Variants in ZNF600 observed in about 807,000 individuals in gnomAD.
ZNF600 encodes the protein zinc finger protein KR-ZNF1.
ZNF600 carries 4 observed loss-of-function variants against 7.3 expected under a neutral mutation model. The observed-to-expected ratio is 0.55, with a 90% CI of 0.27 to 1.25. The LOEUF is 1.25. Among genes scored for constraint, ZNF600 ranks in the 50% most tolerant of loss-of-function variants. The pLI is 0.12. For missense variants in ZNF600, 911 were observed against 922.1 expected, an observed-to-expected ratio of 0.99 and a Z score of 0.16; for synonymous variants, 290 against 308.9, an observed-to-expected ratio of 0.94 and a Z score of 0.64.
exon 4 of ZNF600, chr19:52,765,532 T>C: frequency 6.2e-7 from 1 of 1,611,560 alleles, no homozygotes; most frequent in South Asian, 1.1e-5. Context: ...TTATAGATTC[T>C]CCAATGATTT....
upstream of ZNF600, among the ~76,000 whole-genome samples, chr19:52,789,748 T>C (rs2062786620): frequency 6.6e-6 from 1 of 152,042 alleles, no homozygotes; most frequent in Non-Finnish European, 1.5e-5. Context: ...TTAAAAAAAA[T>C]ATGAAAAATA....
the ZNF600 span, among the ~76,000 whole-genome samples, chr19:52,819,346 C>G: frequency 4.9e-4 from 71 of 145,604 alleles, 4 homozygotes; most frequent in Middle Eastern, 7.1e-3. Flanking sequence ...CAAAGTCCTC[C>G]GAAGATGGTC....
intron 3 of ZNF600, among the ~76,000 whole-genome samples, chr19:52,772,872 C>T (rs942340960): frequency 3.8e-5 from 5 of 130,282 alleles, no homozygotes; most frequent in Admixed American, 7.1e-5. Context: ...AAGGACTGAG[C>T]TGGGACACAA....
chr19:52,800,605 T>C, the ZNF600 span: 2 of 1,614,028 alleles, frequency 1.2e-6, no homozygotes, highest in Non-Finnish European at 1.7e-6. Context: ...TCACAAACCT[T>C]ACATTTGTAT....
chr19:52,811,410 C>T, the ZNF600 span, among the ~76,000 whole-genome samples: 1 of 144,992 alleles, frequency 6.9e-6, no homozygotes, highest in African/African-American at 2.7e-5. Flanking sequence ...AAGTGAGGAG[C>T]GTCTCTGCCC....
chr19:52,800,580 T>C, the ZNF600 span: 1,453 of 1,609,848 alleles, frequency 9.0e-4, 10 homozygotes, highest in African/African-American at 0.017. Context: ...GTATGAATTA[T>C]ATGCAAAAGC....
At chr19:52,772,948 A>G (rs2062642418) in intron 3 of ZNF600, among the ~76,000 whole-genome samples, 1 of 152,232 alleles carries the variant, frequency 6.6e-6, no homozygotes, top group Non-Finnish European at 1.5e-5. Context: ...CTGAGTCATG[A>G]TGCCCTGCAC....
chr19:52,810,868 C>T, the ZNF600 span, among the ~76,000 whole-genome samples: 37 of 1,518 alleles, frequency 0.024, 1 homozygote, highest in African/African-American at 0.095. Context: ...TCCCCCTCCC[C>T]CTCCCCCTCC....
chr19:52,781,804 T>C (rs1027798773), intron 1 of ZNF600, among the ~76,000 whole-genome samples: 1 of 150,110 alleles, frequency 6.7e-6, no homozygotes, highest in Non-Finnish European at 1.5e-5. Flanking sequence ...GGCTCACACC[T>C]GTAATCTCAA....
intron 1 of ZNF600, among the ~76,000 whole-genome samples, chr19:52,784,229 AAAAC>A (rs150428473): frequency 0.18 from 27,595 of 151,718 alleles, 2,760 homozygotes; most frequent in African/African-American, 0.27. Flanking sequence ...TTTCTACAAA[AAAAC>A]AAACAAACAA....
the ZNF600 span, among the ~76,000 whole-genome samples, chr19:52,794,480 T>C: frequency 1.3e-5 from 2 of 152,080 alleles, no homozygotes; most frequent in South Asian, 2.1e-4. Flanking sequence ...AAGCTCCGAG[T>C]TGAGTCAGAA....
At chr19:52,799,898 G>C in the ZNF600 span, 1 of 1,613,346 alleles carries the variant, frequency 6.2e-7, no homozygotes, top group South Asian at 1.1e-5. Flanking sequence ...GGTATACGAG[G>C]GATGACATCT....
At chr19:52,801,976 C>G in the ZNF600 span, among the ~76,000 whole-genome samples, 1 of 152,266 alleles carries the variant, frequency 6.6e-6, no homozygotes, top group Non-Finnish European at 1.5e-5. Flanking sequence ...TGTTTTTCCA[C>G]TGTGACCCTA....
chr19:52,796,374 G>A, the ZNF600 span, among the ~76,000 whole-genome samples: 1 of 152,144 alleles, frequency 6.6e-6, no homozygotes, highest in East Asian at 1.9e-4. Flanking sequence ...CTGGAAAGGT[G>A]GAATAACTGG....
chr19:52,778,973 C>T lies in ZNF600; in HGVS notation c.-19-66G>A, dbSNP rs1600392857. ...TCACTCCCATCCTGTGACAAAACCA[C>T]ATGAACAGGGGAGACCTCACCCAGC... On this transcript the variant is annotated intron_variant, in intron 1 of 3. Coordinates refer to ENST00000648973, the Ensembl canonical transcript of ZNF600. 4 of 1,462,000 alleles carry T rather than the reference C, an allele frequency of 2.7e-6. No individual in the cohort carries two copies. The East Asian group carries it at 7.0e-5, about 26-fold the overall frequency. 90.6% of individuals were successfully genotyped at this position (1,462,000 alleles called of 1,614,324 possible). A position where few individuals can be genotyped will look rare whatever the true frequency, so the allele number is the denominator to read the frequency against.
the ZNF600 span, among the ~76,000 whole-genome samples, chr19:52,831,563 T>G: frequency 6.6e-6 from 1 of 151,870 alleles, no homozygotes; most frequent in Non-Finnish European, 1.5e-5. Flanking sequence ...AGTGCAATGG[T>G]GCGATCTCGG....
At chr19:52,799,685 C>CTTTTAAGG in the ZNF600 span, 1 of 1,217,960 alleles carries the variant, frequency 8.2e-7, no homozygotes, top group Admixed American at 2.1e-5. Flanking sequence ...ACTCATTACA[C>CTTTTAAGG]TTTCAAGGTT....
chr19:52,816,932 T>TA, the ZNF600 span, among the ~76,000 whole-genome samples: 2 of 151,634 alleles, frequency 1.3e-5, no homozygotes, highest in African/African-American at 4.8e-5. Flanking sequence ...TCTCCAATAT[T>TA]AGAGAAAAAT....
the ZNF600 span, among the ~76,000 whole-genome samples, chr19:52,819,319 T>C: frequency 7.0e-6 from 1 of 143,634 alleles, no homozygotes; most frequent in Non-Finnish European, 1.5e-5. Flanking sequence ...GATGTAGCTG[T>C]GATATTCTAA....
Sources: allele counts gnomAD v4.1 joint callset (sites outside exome capture counted in the v4.1 genomes callset), GRCh38; gene constraint gnomAD v4.1.1; transcripts MANE v1.5; gene names NCBI Gene and HGNC (gene_info 2026-07-23, HGNC 2026-07-21).